The following ARRDC2 variants were observed in gnomAD, a reference collection of about 807,000 sequenced individuals.
The protein encoded by ARRDC2 is arrestin domain containing 2, also known as arrestin domain-containing protein 2.
Under a neutral mutation model 38.9 loss-of-function variants are expected in ARRDC2, and 39 were observed. That is an observed-to-expected ratio of 1.00 (90% CI 0.78 to 1.31). ARRDC2 has a LOEUF of 1.31. ARRDC2 is among the 50% of genes most tolerant of loss of function. The pLI is 0.00. For missense variants in ARRDC2, 553 were observed against 588.4 expected (o/e 0.94, Z 0.62); for synonymous variants, 300 against 261.9 (o/e 1.15, Z -1.41).
Position 18,010,115 on chromosome 19 carries a change from C to T in ARRDC2, c.849+76C>T. On this transcript the variant is annotated intron_variant, in intron 5 of 7. Coordinates refer to ENST00000222250, the MANE Select transcript of ARRDC2 (RefSeq NM_015683.2). ...TCCCTCAGACTGGGGGAAGCTGAGG[C>T]CTCAGTCTCCCCAGGCATAGGAGGG... 2.5e-6 allele frequency: 4 copies of T among 1,604,572 alleles called. No homozygotes were observed. In the Admixed American group the frequency reaches 7.0e-5, roughly 28 times the overall value.
upstream of ARRDC2, among the ~76,000 whole-genome samples, chr19:18,006,433 G>T (rs10423375): frequency 6.6e-6 from 1 of 152,022 alleles, no homozygotes; most frequent in South Asian, 2.1e-4. Context: ...GAGACCAGCC[G>T]GGCCAACACA....
At chr19:18,001,699 C>A (rs942084474) in intron 1 of ARRDC2, 2 of 1,147,006 alleles carry the variant, frequency 1.7e-6, no homozygotes, top group African/African-American at 1.6e-5. Flanking sequence ...GAGGGGGAAA[C>A]CCCCTTCCCG....
chr19:18,007,219 CTTTGGGGAAACTGAAGCCCAGAGAGAGG>C (rs2033298082), upstream of ARRDC2: 1 of 152,292 alleles, frequency 6.6e-6, no homozygotes, highest in Non-Finnish European at 1.5e-5. Context: ...TGCGACTTTT[CTTTGGGGAAACTGAAGCCCAGAGAGAGG>C]TCACGCCGTC....
chr19:18,001,642 G>T, intron 1 of ARRDC2: 2 of 1,267,504 alleles, frequency 1.6e-6, no homozygotes, highest in Non-Finnish European at 2.0e-6. Context: ...TTCAGGGCCG[G>T]AAGCCTCTCA....
chr19:18,013,787 G>C lies in ARRDC2; in HGVS notation c.*821G>C, dbSNP rs374858699. On this transcript the variant is annotated 3_prime_UTR_variant, in exon 8 of 8. Coordinates refer to ENST00000222250, the MANE Select transcript of ARRDC2 (RefSeq NM_015683.2). ...GTTCAGGGTAGGACAGGCAAGACCA[G>C]ATACCCAATGTGCAAAGTGAAAACA... 6.6e-6 allele frequency: 1 copy of C among 152,342 alleles called. No homozygotes were observed. Among genetic ancestry groups the C allele is most frequent in the East Asian group, 1.9e-4 (1 of 5,190 alleles). The allele number at this position is 152,342 out of a possible 1,614,324, so 9.4% of individuals were successfully genotyped here. A position where few individuals can be genotyped will look rare whatever the true frequency, so the allele number is the denominator to read the frequency against.
chr19:18,008,116 A>ACCCCCCCCCCCCCCCCCCCCCCC, upstream of ARRDC2: 1 of 522,498 alleles, frequency 1.9e-6, no homozygotes, highest in Non-Finnish European at 2.9e-6. Flanking sequence ...AGAGACGGTG[A>ACCCCCCCCCCCCCCCCCCCCCCC]CCCCACCCCC....
rs775073484 is a variant in ARRDC2 at position 18,008,459 on chromosome 19, GCGCGCGGGGC to G, written c.155_164del (p.Arg52ProfsTer28). On this transcript the variant is annotated frameshift_variant, in exon 1 of 8. Transcript: ENST00000222250. LOFTEE classifies it high-confidence loss of function. ...GCGCGTGTGGGTGCCCTGAGGCTGC[GCGCGCGGGGC>G]CGCGCCCACGTGCACTGGACCGAGT... 6.5e-7 allele frequency: 1 copy of G among 1,537,368 alleles called. No individual in the cohort carries two copies. Among genetic ancestry groups the G allele is most frequent in the Non-Finnish European group, 8.7e-7 (1 of 1,149,290 alleles).
At position 18,010,574 on chromosome 19, in the gene ARRDC2, C is replaced by G; in HGVS notation, c.1015C>G (p.Pro339Ala). The G allele has an allele frequency of 1.9e-6, 3 of 1,613,590 alleles. No individual in the cohort carries two copies. Among genetic ancestry groups the G allele is most frequent in the Non-Finnish European group, 2.5e-6 (3 of 1,179,958 alleles). Residue 339 changes from proline (P) to alanine (A), a missense_variant and splice_region_variant, in exon 7 of 8, where the codon CCT (proline) becomes GCT (alanine). By Grantham distance (27) the Pro-to-Ala change is conservative. Coordinates refer to ENST00000222250, the MANE Select transcript of ARRDC2 (RefSeq NM_015683.2). ...LGALPERPEAPPEYSEVVADT... is the reference protein window; with the variant it reads ...LGALPERPEAAPEYSEVVADT... The stretch of plus-strand genomic sequence containing the variant: ...CCCACCCTGTCTCTCGCTTCCAGCT[C>G]CTCCTGAGTACTCGGAGGTGGTAGC...
At chr19:18,006,633 G>A (rs192254549), upstream of ARRDC2, among the ~76,000 whole-genome samples, 1,814 of 152,000 alleles carry the variant, frequency 0.012, 39 homozygotes, top group African/African-American at 0.041. Flanking sequence ...GGGAGACCAA[G>A]GGGAGAGGGA....
exon 1 of ARRDC2, chr19:18,001,484 T>G (rs2033185366): frequency 7.5e-7 from 1 of 1,324,770 alleles, no homozygotes. Flanking sequence ...ACCCACTGGT[T>G]GGAGGGTCGC....
intron 3 of ARRDC2, 97 bp downstream of exon 3, chr19:18,009,215 G>A (rs1329851864): frequency 1.4e-6 from 2 of 1,434,966 alleles, no homozygotes; most frequent in Non-Finnish European, 1.9e-6. Flanking sequence ...GAGGTCATAG[G>A]TGGGCCCTGG....
At chr19:18,012,584 C>A (rs1398229611) in intron 7 of ARRDC2, among the ~76,000 whole-genome samples, 3 of 152,092 alleles carry the variant, frequency 2.0e-5, no homozygotes, top group African/African-American at 7.2e-5. Flanking sequence ...GAGACTCTGT[C>A]TCGAAAAATA....
Position 18,013,236 on chromosome 19 carries a change from A to G in ARRDC2, c.*270A>G, listed in dbSNP as rs1419749711. 7 of 441,652 alleles carry G rather than the reference A, an allele frequency of 1.6e-5. No homozygotes were observed. Among genetic ancestry groups the G allele is most frequent in the Admixed American group, 8.4e-5 (2 of 23,910 alleles). The allele number at this position is 441,652 out of a possible 1,614,324, so 27.4% of individuals were successfully genotyped here. A position where few individuals can be genotyped will look rare whatever the true frequency, so the allele number is the denominator to read the frequency against. Reference sequence around the variant, plus strand: ...GTTTAATAACCTGTCTTCCCAGCCAATTGGTGGTGCTGGAATCCCCTAGGA... The same window carrying G: ...GTTTAATAACCTGTCTTCCCAGCCAGTTGGTGGTGCTGGAATCCCCTAGGA... On this transcript the variant is annotated 3_prime_UTR_variant, in exon 8 of 8. Transcript: ENST00000222250.
chr19:18,008,071 C>A, upstream of ARRDC2: 1 of 1,149,198 alleles, frequency 8.7e-7, no homozygotes, highest in South Asian at 1.7e-5. Context: ...CGCCCCTTGT[C>A]GCGCTATTGG....
upstream of ARRDC2, among the ~76,000 whole-genome samples, chr19:18,005,701 G>A (rs368435926): frequency 4.6e-5 from 7 of 150,888 alleles, no homozygotes; most frequent in Non-Finnish European, 8.8e-5. Context: ...CGGATGGGGC[G>A]GCTGGCTGGG....
At chr19:18,009,196 A>G in intron 3 of ARRDC2, 78 bp downstream of exon 3, 2 of 1,529,532 alleles carry the variant, frequency 1.3e-6, no homozygotes, top group Non-Finnish European at 1.8e-6. Context: ...GACACCAACC[A>G]ATAAGATGGA....
rs1443254581 is a variant in ARRDC2 at position 18,013,623 on chromosome 19, G to A, written c.*657G>A. The A allele has an allele frequency of 6.6e-6, 1 of 152,180 alleles. No individual in the cohort carries two copies. The highest frequency in any genetic ancestry group is 1.5e-5 in the Non-Finnish European group (1 of 68,090). 9.4% of individuals were successfully genotyped at this position (152,180 alleles called of 1,614,324 possible). A position where few individuals can be genotyped will look rare whatever the true frequency, so the allele number is the denominator to read the frequency against. ...TGTCAGAGCTATGTGGAGTCTGTGGGTGGCAGGGGCAGCCGCTCCAGCCTT... is the reference window on the plus strand; with the variant it reads ...TGTCAGAGCTATGTGGAGTCTGTGGATGGCAGGGGCAGCCGCTCCAGCCTT... On this transcript the variant is annotated 3_prime_UTR_variant, in exon 8 of 8. Transcript: ENST00000222250.
upstream of ARRDC2, among the ~76,000 whole-genome samples, chr19:18,005,681 A>C (rs1186549157): frequency 8.9e-5 from 12 of 134,282 alleles, no homozygotes; most frequent in African/African-American, 3.3e-4. Context: ...TGACCCCCCC[A>C]CCTCCCTCCC....
At position 18,009,845 on chromosome 19, in the gene ARRDC2, G is replaced by A. The variant is rs1247894011; in HGVS notation, c.655G>A (p.Ala219Thr). Residue 219 changes from alanine (A) to threonine (T), a missense_variant, in exon 5 of 8, where the codon GCA (alanine) becomes ACA (threonine). Physicochemically the swap from Ala to Thr is moderately conservative, Grantham distance 58. Transcript: ENST00000222250. ...NGSTRPVLPRAAVVQTQTFMA... is the reference protein window; with the variant it reads ...NGSTRPVLPRTAVVQTQTFMA... ...CTCCACACGTCCTGTGCTGCCTCGG[G>A]CAGCCGTGGTGCAGACACAGACGTT... 2 of 1,612,300 alleles carry A rather than the reference G, an allele frequency of 1.2e-6. No individual in the cohort carries two copies. The highest frequency in any genetic ancestry group is 1.7e-6 in the Non-Finnish European group (2 of 1,179,854).
Sources: allele counts gnomAD v4.1 joint callset (sites outside exome capture counted in the v4.1 genomes callset), GRCh38; gene constraint gnomAD v4.1.1; transcripts MANE v1.5; gene names NCBI Gene and HGNC (gene_info 2026-07-23, HGNC 2026-07-21).